The following AKR1C3 variants were observed in gnomAD, a reference collection of about 807,000 sequenced individuals.
AKR1C3 encodes the protein 3-alpha hydroxysteroid dehydrogenase, type II.
In AKR1C3, 48 loss-of-function variants were observed where a neutral mutation model predicts 43.6. That is an observed-to-expected ratio of 1.10 (90% CI 0.87 to 1.40). The LOEUF is 1.40. Ranked by LOEUF, AKR1C3 falls within the 40% of genes most tolerant of loss-of-function variation. The pLI, the probability that AKR1C3 is intolerant of heterozygous loss-of-function variation, is 0.00. For synonymous variants in AKR1C3, 162 were observed against 139.6 expected, an observed-to-expected ratio of 1.16 and a Z score of -1.13; for missense variants, 482 against 391.2, an observed-to-expected ratio of 1.23 and a Z score of -1.96.
intron 1 of AKR1C3, among the ~76,000 whole-genome samples, chr10:5,062,870 A>G (rs75938030): frequency 3.5e-5 from 5 of 143,854 alleles, no homozygotes; most frequent in African/African-American, 1.0e-4. Flanking sequence ...AAAAAAAAAA[A>G]GGAAAGAAAA....
At chr10:5,069,826 A>G (rs545500100) in intron 1 of AKR1C3, among the ~76,000 whole-genome samples, 4 of 152,164 alleles carry the variant, frequency 2.6e-5, no homozygotes, top group South Asian at 4.2e-4. Context: ...GTGAGCTGAG[A>G]TCACACCATT....
chr10:5,067,707 T>C (rs1317971454), intron 1 of AKR1C3, among the ~76,000 whole-genome samples: 1 of 152,236 alleles, frequency 6.6e-6, no homozygotes, highest in Non-Finnish European at 1.5e-5. Flanking sequence ...TGAAGCTTTG[T>C]ATTCCCAGGA....
rs1839541102 is a variant in AKR1C3, at chr10:5,107,590, T to C, written c.*87T>C. ...GTCTCTATGCCGGTGACTGGACATA[T>C]CACCTCTACTTAAATCCGTCCTGTT... On this transcript the variant is annotated 3_prime_UTR_variant, in exon 9 of 9. Coordinates refer to ENST00000380554, the MANE Select transcript of AKR1C3 (RefSeq NM_003739.6). 3 of 1,058,948 alleles carry C rather than the reference T, an allele frequency of 2.8e-6. No individual in the cohort carries two copies. The highest frequency in any genetic ancestry group is 1.4e-6 in the Non-Finnish European group (1 of 695,676). 65.6% of individuals were successfully genotyped at this position (1,058,948 alleles called of 1,614,324 possible). A position where few individuals can be genotyped will look rare whatever the true frequency, so the allele number is the denominator to read the frequency against.
chr10:5,050,198 CTCTT>C (rs1460279232), intron 1 of AKR1C3, among the ~76,000 whole-genome samples: 4 of 152,224 alleles, frequency 2.6e-5, no homozygotes, highest in African/African-American at 9.6e-5. Context: ...CATTTCAAAT[CTCTT>C]TCTTTTTTCT....
intron 1 of AKR1C3, 46 bp from the exon 2 acceptor site, chr10:5,096,364 C>G (rs770120981): frequency 2.5e-6 from 4 of 1,586,242 alleles, no homozygotes; most frequent in African/African-American, 2.7e-5. Context: ...TGAACTACCT[C>G]TCAGCCACAG....
chr10:5,087,873 G>T (rs1335570480), intron 1 of AKR1C3, among the ~76,000 whole-genome samples: 3 of 151,458 alleles, frequency 2.0e-5, no homozygotes. Flanking sequence ...CTAACTTTGG[G>T]CTTGGTTTGC....
At position 5,107,476 on chromosome 10, in the gene AKR1C3, T is replaced by TA. The variant is rs1375121241; in HGVS notation, c.947dup (p.Asn316LysfsTer7). On this transcript the variant is annotated frameshift_variant, in exon 9 of 9. Transcript: ENST00000380554. LOFTEE classifies it high-confidence loss of function. ...CTCTTTTCAGTTTTGCTAGCCACCCTAATTATCCATATTCAGATGAATATT... is the reference window on the plus strand; with the variant it reads ...CTCTTTTCAGTTTTGCTAGCCACCCTAAATTATCCATATTCAGATGAATATT... 2.5e-6 allele frequency: 4 copies of TA among 1,583,916 alleles called. No individual in the cohort carries two copies. The highest frequency in any genetic ancestry group is 3.5e-6 in the Non-Finnish European group (4 of 1,153,018).
chr10:5,049,849 A>G (rs1320356570), intron 1 of AKR1C3, among the ~76,000 whole-genome samples: 1 of 152,160 alleles, frequency 6.6e-6, no homozygotes, highest in Non-Finnish European at 1.5e-5. Context: ...AATATTTAGG[A>G]CTATATATGT....
In AKR1C3 at chr10:5,073,110, G is replaced by T. The variant is rs141237173; in HGVS notation, c.85-23300G>T. Among the ~76,000 whole-genome samples the T allele has an allele frequency of 2.2e-3, 338 of 151,900 alleles. 2 individuals carry two copies. The highest frequency in any genetic ancestry group is 8.1e-3 in the South Asian group (39 of 4,802). Reference sequence around the variant, plus strand: ...TCTCAAGATGCTGGGATTACAGGCAGGCACCACCCCACCCAGCTAATTTTT... The same window carrying T: ...TCTCAAGATGCTGGGATTACAGGCATGCACCACCCCACCCAGCTAATTTTT... On this transcript the variant is annotated intron_variant, in intron 1 of 8. Transcript: ENST00000439082.
intron 1 of AKR1C3, among the ~76,000 whole-genome samples, chr10:5,075,874 CAAAA>C (rs201037479): frequency 4.7e-5 from 6 of 127,950 alleles, no homozygotes; most frequent in African/African-American, 1.8e-4. Context: ...AACTCCATCT[CAAAA>C]AAAAAAAAGT....
Position 5,094,529 on chromosome 10 carries a change from G to A in AKR1C3, c.84+1G>A, listed in dbSNP as rs994272041. The A allele has an allele frequency of 1.2e-6, 2 of 1,612,490 alleles. No individual in the cohort carries two copies. Among genetic ancestry groups the A allele is most frequent in the Non-Finnish European group, 1.7e-6 (2 of 1,178,752 alleles). On this transcript the variant is annotated splice_donor_variant, in intron 1 of 8. Coordinates refer to ENST00000380554, the MANE Select transcript of AKR1C3 (RefSeq NM_003739.6). LOFTEE classifies it high-confidence loss of function. ...ATTTGGCACCTATGCACCTCCAGAG[G>A]TAAGAATAATTCCTTTTAGTTTTCG... is the stretch of plus-strand genomic sequence containing the variant.
intron 1 of AKR1C3, among the ~76,000 whole-genome samples, chr10:5,068,848 C>G (rs1564358083): frequency 1.3e-5 from 2 of 152,202 alleles, no homozygotes; most frequent in Admixed American, 6.5e-5. Flanking sequence ...CAGGCCTTAC[C>G]TAGCTGGAAA....
At chr10:5,083,833 G>A (rs1328092293) in intron 1 of AKR1C3, among the ~76,000 whole-genome samples, 4 of 152,180 alleles carry the variant, frequency 2.6e-5, no homozygotes, top group Non-Finnish European at 4.4e-5. Flanking sequence ...GGCCAGTGAT[G>A]ATGAGCATTT....
In AKR1C3 at chr10:5,054,788, C is replaced by T. The variant is rs532737528; in HGVS notation, c.84+5893C>T. Among the ~76,000 whole-genome samples the T allele has an allele frequency of 5.3e-5, 8 of 152,268 alleles. 1 individual carries two copies. Among genetic ancestry groups the T allele is most frequent in the Non-Finnish European group, 4.4e-5 (3 of 68,016 alleles). On this transcript the variant is annotated intron_variant, in intron 1 of 8. Transcript: ENST00000439082. ...TCTGTCTCTGTCTCTTCCCCTCTGT[C>T]TCTTTCTTTGACTTCCTGTCTCTTT...
intron 1 of AKR1C3, among the ~76,000 whole-genome samples, chr10:5,062,685 G>T (rs1460329198): frequency 1.3e-5 from 2 of 152,168 alleles, no homozygotes; most frequent in Non-Finnish European, 2.9e-5. Context: ...CAGGTCAAGT[G>T]TGTAACTCCT....
chr10:5,098,696 A>C (rs782236787), intron 3 of AKR1C3, 106 bp from the exon 4 acceptor site: 11 of 842,110 alleles, frequency 1.3e-5, no homozygotes, highest in Non-Finnish European at 2.2e-5. Flanking sequence ...GGAGCATTGT[A>C]CCACCTGTCT....
At chr10:5,101,112 T>C (rs1451681327) in intron 5 of AKR1C3, among the ~76,000 whole-genome samples, 27 of 152,188 alleles carry the variant, frequency 1.8e-4, no homozygotes, top group Admixed American at 1.8e-3. Flanking sequence ...TCCCACTGTT[T>C]AATGGAAATG....
chr10:5,049,715 T>C (rs1396676196), intron 1 of AKR1C3, among the ~76,000 whole-genome samples: 1 of 152,220 alleles, frequency 6.6e-6, no homozygotes, highest in Non-Finnish European at 1.5e-5. Flanking sequence ...TGAGTCTCAC[T>C]TTTCTCTCTA....
chr10:5,077,466 T>C (rs947705164), intron 1 of AKR1C3, among the ~76,000 whole-genome samples: 3 of 152,202 alleles, frequency 2.0e-5, no homozygotes, highest in African/African-American at 7.2e-5. Context: ...ACAATTCCCA[T>C]TTCTTCTTGA....
Sources: gnomAD v4.1 joint callset for allele counts (sites outside exome capture counted in the v4.1 genomes callset) on GRCh38, gnomAD v4.1.1 for gene constraint, MANE v1.5 for transcripts, NCBI Gene and HGNC (gene_info 2026-07-23, HGNC 2026-07-21) for gene names.